Variants in MYO10 observed in about 807,000 individuals in gnomAD.
The protein encoded by MYO10 is unconventional myosin-X.
A neutral mutation model predicts 257.3 loss-of-function variants in MYO10; 133 were observed. That is an observed-to-expected ratio of 0.52 (90% confidence interval 0.45 to 0.60). The LOEUF (loss-of-function observed/expected upper bound fraction) is 0.60. Among genes scored for constraint, MYO10 ranks in the 20% least tolerant of loss-of-function variants. The probability of loss-of-function intolerance (pLI) is 0.00; values close to 1 mark genes in which losing one functional copy is unlikely to be tolerated. For synonymous variants in MYO10, 1,104 were observed against 1,028.6 expected (o/e 1.07, Z -1.40); for missense variants, 2,399 against 2,635.7 (o/e 0.91, Z 1.97).
chr5:16,669,556 G>C (rs1237777469), intron 39 of MYO10, among the ~76,000 whole-genome samples: 3 of 152,180 alleles, frequency 2.0e-5, no homozygotes, highest in Non-Finnish European at 4.4e-5. Flanking sequence ...AGGAAGCCAA[G>C]AGTTTAACTG....
chr5:16,889,403 CA>C (rs1744980666), intron 1 of MYO10, among the ~76,000 whole-genome samples: 2 of 147,338 alleles, frequency 1.4e-5, no homozygotes, highest in African/African-American at 2.5e-5. Context: ...AAGACTCCAT[CA>C]AGAAAGACAG....
intron 19 of MYO10, among the ~76,000 whole-genome samples, chr5:16,751,630 C>T (rs988260228): frequency 2.0e-5 from 3 of 151,670 alleles, no homozygotes; most frequent in African/African-American, 4.8e-5. Flanking sequence ...TACAGGCACG[C>T]GCCACCAAAC....
intron 27 of MYO10, 40 bp downstream of exon 27, chr5:16,694,331 T>C (rs781735229): frequency 5.0e-6 from 8 of 1,611,638 alleles, no homozygotes; most frequent in South Asian, 2.2e-5. Flanking sequence ...GCATAAACCA[T>C]GAGCAACCCA....
Position 16,701,916 on chromosome 5 carries a change from T to C in MYO10, c.2557-78A>G, listed in dbSNP as rs1738100353. Reference sequence around the variant, plus strand: ...CATAGCTCCCGCTTTGCAACCAGGATGAAATATGGTCATTATGAGTTGGAC... The same window carrying C: ...CATAGCTCCCGCTTTGCAACCAGGACGAAATATGGTCATTATGAGTTGGAC... On this transcript the variant is annotated intron_variant, in intron 24 of 40. Transcript: ENST00000513610. The surrounding 1 kb of genome is among the most constrained non-coding windows in gnomAD (Gnocchi z 8.1). 4 of 1,475,300 alleles carry C rather than the reference T, an allele frequency of 2.7e-6. No individual in the cohort carries two copies. Among genetic ancestry groups the C allele is most frequent in the African/African-American group, 2.8e-5 (2 of 70,880 alleles). The allele number at this position is 1,475,300 out of a possible 1,614,324, so 91.4% of individuals were successfully genotyped here. A position where few individuals can be genotyped will look rare whatever the true frequency, so the allele number is the denominator to read the frequency against.
chr5:16,916,903 G>A lies in MYO10; in HGVS notation c.21+18885C>T, dbSNP rs185377361. ...ATTAACTAAAATAATTAGATGACACGAAGAGGTCCAAAGAATATAGTGTAG... is the reference window on the plus strand; with the variant it reads ...ATTAACTAAAATAATTAGATGACACAAAGAGGTCCAAAGAATATAGTGTAG... On this transcript the variant is annotated intron_variant, in intron 1 of 40. Coordinates refer to ENST00000513610, the MANE Select transcript of MYO10 (RefSeq NM_012334.3). Among the ~76,000 whole-genome samples, 77 of 152,272 alleles carry A rather than the reference G, an allele frequency of 5.1e-4. 1 individual carries two copies. The highest frequency in any genetic ancestry group is 1.8e-3 in the African/African-American group (73 of 41,568).
At chr5:16,854,036 T>C (rs1028517696) in intron 2 of MYO10, 2 of 152,128 alleles carry the variant, frequency 1.3e-5, no homozygotes, top group African/African-American at 4.8e-5. Context: ...TCTCGTCTGA[T>C]CTCGTGAAGC....
Position 16,689,928 on chromosome 5 carries a change from A to T in MYO10, c.3801-9T>A. 1 of 1,595,090 alleles carries T rather than the reference A, an allele frequency of 6.3e-7. No homozygotes were observed. Among genetic ancestry groups the T allele is most frequent in the Non-Finnish European group, 8.6e-7 (1 of 1,162,822 alleles). The stretch of plus-strand genomic sequence containing the variant: ...TGTTATCTATGATCTCTCTGCAAAG[A>T]AGCAAAAGCAACAAACGCACATCAG... On this transcript the variant is annotated splice_polypyrimidine_tract_variant and intron_variant, in intron 27 of 40. Transcript: ENST00000513610.
At chr5:16,921,145 A>AAAATAAAATG (rs1377966969) in intron 1 of MYO10, among the ~76,000 whole-genome samples, 1 of 151,658 alleles carries the variant, frequency 6.6e-6, no homozygotes, top group Non-Finnish European at 1.5e-5. Context: ...AAAATAAAAT[A>AAAATAAAATG]AAATAAAATA....
At position 16,758,212 on chromosome 5, in the gene MYO10, T is replaced by C; in HGVS notation, c.1754A>G (p.Tyr585Cys). 6.2e-7 allele frequency: 1 copy of C among 1,611,052 alleles called. No homozygotes were observed. The highest frequency in any genetic ancestry group is 8.5e-7 in the Non-Finnish European group (1 of 1,177,260). The change falls in exon 18 of 41, where the codon TAC becomes TGC. Residue 585 changes from tyrosine to cysteine, a missense_variant. Coordinates refer to ENST00000513610, the MANE Select transcript of MYO10 (RefSeq NM_012334.3). ...GCTTGAAACATGTTCAAAAAGATCG[T>C]AGATAAAGTCAAATCTGTGTGAGGC... ...LLRESRFDFIYDLFEHVSSRN... is the reference protein window; with the variant it reads ...LLRESRFDFICDLFEHVSSRN...
At chr5:16,740,820 C>T (rs1204682959) in intron 19 of MYO10, among the ~76,000 whole-genome samples, 1 of 151,986 alleles carries the variant, frequency 6.6e-6, no homozygotes, top group African/African-American at 2.4e-5. Flanking sequence ...AGACAACTTA[C>T]CTTTGCCTCT....
At position 16,778,688 on chromosome 5, in the gene MYO10, GT is replaced by G. The variant is rs55880979; in HGVS notation, c.930+856del. On this transcript the variant is annotated intron_variant, in intron 9 of 40. Coordinates refer to ENST00000513610, the MANE Select transcript of MYO10 (RefSeq NM_012334.3). ...CAGGAACACCTCTCGCTTTGCTGAG[GT>G]TTTTTTTTTTTTTTTTTTTTTGAGA... 5.1e-3 allele frequency among the ~76,000 whole-genome samples: 543 copies of G among 107,512 alleles called. 2 individuals carry two copies. Among genetic ancestry groups the G allele is most frequent in the African/African-American group, 0.018 (504 of 27,274 alleles). The allele number at this position is 107,512 out of a possible 152,430, so 70.5% of individuals were successfully genotyped here.
intron 3 of MYO10, among the ~76,000 whole-genome samples, chr5:16,815,879 T>C (rs1307150718): frequency 6.8e-6 from 1 of 146,252 alleles, no homozygotes; most frequent in African/African-American, 2.5e-5. Flanking sequence ...GTATAAACAT[T>C]ACCTTTTCTG....
At chr5:16,849,305 G>A (rs1327500695) in intron 2 of MYO10, among the ~76,000 whole-genome samples, 3 of 152,078 alleles carry the variant, frequency 2.0e-5, no homozygotes, top group Non-Finnish European at 4.4e-5. Context: ...ACAGGTAACC[G>A]AAAATAAATT....
intron 1 of MYO10, among the ~76,000 whole-genome samples, chr5:16,932,052 A>G (rs1026955589): frequency 3.9e-5 from 6 of 152,220 alleles, no homozygotes; most frequent in Admixed American, 6.5e-5. Context: ...TGGTGTTTCC[A>G]CTTAACGTCT....
chr5:16,921,100 A>G (rs1180650148), intron 1 of MYO10, among the ~76,000 whole-genome samples: 2 of 151,506 alleles, frequency 1.3e-5, no homozygotes, highest in African/African-American at 4.9e-5. Flanking sequence ...CCTAGGTGAC[A>G]GAGCGATACT....
intron 15 of MYO10, 147 bp downstream of exon 15, chr5:16,762,398 C>T: frequency 1.4e-6 from 1 of 734,824 alleles, no homozygotes; most frequent in South Asian, 2.0e-5. Context: ...CAATTTAGTT[C>T]TAGTAATAGA....
At chr5:16,707,865 A>G (rs557184569) in intron 21 of MYO10, among the ~76,000 whole-genome samples, 1 of 152,340 alleles carries the variant, frequency 6.6e-6, no homozygotes, top group East Asian at 1.9e-4. Flanking sequence ...TATGTTTTGG[A>G]TAAGTCAGCC....
At chr5:16,895,891 A>C (rs1472377290) in intron 1 of MYO10, among the ~76,000 whole-genome samples, 1 of 151,998 alleles carries the variant, frequency 6.6e-6, no homozygotes, top group Non-Finnish European at 1.5e-5. Flanking sequence ...GTAAAGCCTT[A>C]ATGCAAGGGG....
chr5:16,681,563 C>A (rs1737002870), intron 31 of MYO10, 60 bp from the exon 32 acceptor site: 2 of 1,460,930 alleles, frequency 1.4e-6, no homozygotes, highest in Non-Finnish European at 9.3e-7. Flanking sequence ...AAAGACCACA[C>A]AATCATCTGC....
Sources: gnomAD v4.1 joint callset for allele counts (sites outside exome capture counted in the v4.1 genomes callset) on GRCh38, gnomAD v4.1.1 for gene constraint, Gnocchi (gnomAD v3.1) non-coding constraint, MANE v1.5 for transcripts, NCBI Gene and HGNC (gene_info 2026-07-23, HGNC 2026-07-21) for gene names.